The following SCAMP4 variants were observed in gnomAD, a reference collection of about 807,000 sequenced individuals.
SCAMP4 encodes the protein secretory carrier membrane protein 4, also known as secretory carrier-associated membrane protein 4.
SCAMP4 carries 19 observed loss-of-function variants against 32.1 expected under a neutral mutation model. That is an observed-to-expected ratio of 0.59 (90% CI 0.41 to 0.87). SCAMP4 has a LOEUF of 0.87. Ranked by LOEUF, SCAMP4 falls within the 40% of genes least tolerant of loss-of-function variation. The probability of loss-of-function intolerance (pLI) is 0.00; values close to 1 mark genes in which losing one functional copy is unlikely to be tolerated. For synonymous variants in SCAMP4, 152 were observed against 132.7 expected, an observed-to-expected ratio of 1.15 and a Z score of -1.00; for missense variants, 302 against 309.0, an observed-to-expected ratio of 0.98 and a Z score of 0.17.
intron 5 of SCAMP4, 65 bp from the exon 6 acceptor site, chr19:1,923,005 G>T: frequency 6.8e-7 from 1 of 1,464,196 alleles, no homozygotes; most frequent in Non-Finnish European, 9.1e-7. Flanking sequence ...GAGGACCATG[G>T]GCCGGACCAT....
intron 5 of SCAMP4, chr19:1,922,433 C>T (rs1432294483): frequency 1.7e-5 from 12 of 726,200 alleles, no homozygotes; most frequent in African/African-American, 3.8e-5. Flanking sequence ...CGGGGTTTCA[C>T]CTTGTTGGTC....
At chr19:1,910,265 C>T (rs1483384800) in intron 1 of SCAMP4, among the ~76,000 whole-genome samples, 3 of 152,188 alleles carry the variant, frequency 2.0e-5, no homozygotes, top group South Asian at 2.1e-4. Context: ...CTCACGCAGG[C>T]GTTGGCGGAA....
chr19:1,907,846 G>A (rs767613368), intron 1 of SCAMP4, among the ~76,000 whole-genome samples: 12 of 152,094 alleles, frequency 7.9e-5, no homozygotes, highest in African/African-American at 1.4e-4. Flanking sequence ...GGAGTGAGTC[G>A]TCCCCCCGGG....
At chr19:1,921,888 C>G (rs530314655) in intron 5 of SCAMP4, 1 of 985,280 alleles carries the variant, frequency 1.0e-6, no homozygotes, top group Admixed American at 6.1e-5. Flanking sequence ...TCCAAGCAGG[C>G]GAACACAGGA....
chr19:1,913,515 G>A, intron 1 of SCAMP4: 1 of 283,178 alleles, frequency 3.5e-6, no homozygotes, highest in Admixed American at 5.3e-5. Flanking sequence ...TCTGTACAGG[G>A]CCTGGTGGCT....
At position 1,923,157 on chromosome 19, in the gene SCAMP4, G is replaced by C; in HGVS notation, c.483G>C (p.Ser161=). Residue 161 remains serine (S), a synonymous_variant, in exon 6 of 7, where the codon TCG becomes TCC. Transcript: ENST00000316097. ...TTCCAGCCATCATGTTCTCCGTGTC[G>C]GCTGCCATGATGGCCATCGCGATCA... ...MLLPAIMFSV[S]AAMMAIAIMK... is the part of the protein sequence containing the mutation. 1 of 1,551,116 alleles carries C rather than the reference G, an allele frequency of 6.4e-7. No homozygotes were observed. Among genetic ancestry groups the C allele is most frequent in the Non-Finnish European group, 8.7e-7 (1 of 1,146,754 alleles).
At chr19:1,912,247 T>C (rs1172669999) in intron 1 of SCAMP4, 5 of 1,597,700 alleles carry the variant, frequency 3.1e-6, no homozygotes, top group Non-Finnish European at 2.6e-6. Context: ...GCGCCCGTCC[T>C]GGACAAGCGC....
In SCAMP4 at chr19:1,915,111, C is replaced by A. The variant is rs141607700; in HGVS notation, c.7+85C>A. On this transcript the variant is annotated intron_variant, in intron 2 of 6. Coordinates refer to ENST00000316097, the MANE Select transcript of SCAMP4 (RefSeq NM_079834.4). The stretch of plus-strand genomic sequence containing the variant: ...TCCCACAGGAGCCCTCGGTCCTGGC[C>A]GTTGGCAAACAGTGTCCTCCTGGCC... 170 of 1,537,714 alleles carry A rather than the reference C, an allele frequency of 1.1e-4. No individual in the cohort carries two copies. The African/African-American group carries it at 2.1e-3, about 19-fold the overall frequency.
At chr19:1,921,948 A>G in intron 5 of SCAMP4, 1 of 985,514 alleles carries the variant, frequency 1.0e-6, no homozygotes, top group African/African-American at 1.7e-5. Flanking sequence ...GTGTGCGTGC[A>G]TATCACGCCC....
intron 1 of SCAMP4, chr19:1,912,558 C>G: frequency 6.7e-7 from 1 of 1,499,702 alleles, no homozygotes; most frequent in Non-Finnish European, 8.8e-7. Context: ...CGAGGACAAG[C>G]AGGTGACCAG....
chr19:1,923,228 T>C, intron 6 of SCAMP4, 41 bp downstream of exon 6: 1 of 1,487,544 alleles, frequency 6.7e-7, no homozygotes, highest in African/African-American at 1.4e-5. Flanking sequence ...TTACCCCTTC[T>C]CCATGAACCT....
Position 1,921,908 on chromosome 19 carries a change from A to G in SCAMP4, c.396-1162A>G, listed in dbSNP as rs947368056. ...GCAGGCGAACACAGGACAGGCCAGC[A>G]TCTTGCAGGGACGCGGCGGGGGGTA... On this transcript the variant is annotated intron_variant, in intron 5 of 6. Transcript: ENST00000316097. 7.1e-6 allele frequency: 7 copies of G among 985,318 alleles called. No individual in the cohort carries two copies. The African/African-American group carries it at 1.0e-4, about 15-fold the overall frequency. The allele number at this position is 985,318 out of a possible 1,614,324, so 61.0% of individuals were successfully genotyped here.
intron 1 of SCAMP4, chr19:1,907,206 C>A (rs1240311227): frequency 6.6e-6 from 1 of 151,392 alleles, no homozygotes; most frequent in African/African-American, 2.4e-5. Context: ...AGCCCCCACG[C>A]AGACTATTGG....
At chr19:1,917,631 T>C in intron 2 of SCAMP4, 63 bp from the exon 3 acceptor site, 1 of 1,601,640 alleles carries the variant, frequency 6.2e-7, no homozygotes, top group East Asian at 2.2e-5. Flanking sequence ...GTCGAAGGGA[T>C]GAGGTGGGGC....
At chr19:1,921,399 G>A in intron 5 of SCAMP4, 2 of 983,968 alleles carry the variant, frequency 2.0e-6, no homozygotes, top group Non-Finnish European at 2.4e-6. Flanking sequence ...CTGTGTAGAT[G>A]GTGAGGGTGG....
At chr19:1,918,393 A>G in intron 4 of SCAMP4, 110 bp downstream of exon 4, 1 of 1,229,036 alleles carries the variant, frequency 8.1e-7, no homozygotes, top group Non-Finnish European at 1.1e-6. Flanking sequence ...CCCAGTGTGA[A>G]AGACAGTTCA....
chr19:1,912,684 G>A (rs752480605), intron 1 of SCAMP4: 61 of 1,460,576 alleles, frequency 4.2e-5, no homozygotes, highest in South Asian at 4.0e-5. Flanking sequence ...GGCCGTGGGG[G>A]CCGTGGTAGT....
At position 1,905,927 on chromosome 19, in the gene SCAMP4, C is replaced by T. The variant is rs1327239236; in HGVS notation, c.-42+488C>T. On this transcript the variant is annotated intron_variant, in intron 1 of 6. Coordinates refer to ENST00000316097, the MANE Select transcript of SCAMP4 (RefSeq NM_079834.4). The stretch of plus-strand genomic sequence containing the variant: ...AATTGACCATCGTTCCTCATCGTTA[C>T]CTAGAGTATGAGTTTTTCAGGTTTT... The T allele has an allele frequency of 2.6e-5, 4 of 152,378 alleles. No individual in the cohort carries two copies. In the East Asian group the frequency reaches 5.8e-4, roughly 22 times the overall value. The allele number at this position is 152,378 out of a possible 1,614,324, so 9.4% of individuals were successfully genotyped here.
intron 5 of SCAMP4, among the ~76,000 whole-genome samples, chr19:1,919,719 G>A (rs1202792467): frequency 3.3e-5 from 5 of 150,844 alleles, no homozygotes; most frequent in African/African-American, 4.9e-5. Context: ...GGCTGGTATC[G>A]AACTCCCGAG....
Sources: gnomAD v4.1 joint callset for allele counts (sites outside exome capture counted in the v4.1 genomes callset) on GRCh38, gnomAD v4.1.1 for gene constraint, MANE v1.5 for transcripts, NCBI Gene and HGNC (gene_info 2026-07-23, HGNC 2026-07-21) for gene names.